Variants in HSPA2 observed in about 807,000 individuals in gnomAD.
HSPA2 encodes heat shock-related 70 kDa protein 2.
A neutral mutation model predicts 35.0 loss-of-function variants in HSPA2; 13 were observed. The ratio of observed to expected loss-of-function variants is 0.37; its 90% CI spans 0.24 to 0.59. The LOEUF is 0.59. Among genes scored for constraint, HSPA2 ranks in the 20% least tolerant of loss-of-function variants. The pLI is 0.70. For synonymous variants in HSPA2, 368 were observed against 382.1 expected (o/e 0.96, Z 0.43); for missense variants, 565 against 885.4 (o/e 0.64, Z 4.59).
chr14:64,537,879 A>T (rs1049656407), upstream of HSPA2, among the ~76,000 whole-genome samples: 3 of 151,252 alleles, frequency 2.0e-5, no homozygotes, highest in Non-Finnish European at 4.4e-5. Flanking sequence ...GGCGCCCACC[A>T]CCAGGCCCGG....
At chr14:64,539,896 G>A (rs1489374424), upstream of HSPA2, among the ~76,000 whole-genome samples, 1 of 152,110 alleles carries the variant, frequency 6.6e-6, no homozygotes, top group Non-Finnish European at 1.5e-5. Flanking sequence ...TGGCCAGGAT[G>A]GTCTCGATGT....
rs776299096 is a variant in HSPA2, at chr14:64,542,479, G to T, written c.1630G>T (p.Ala544Ser). Residue 544 changes from alanine (A) to serine (S), a missense_variant, in exon 1 of 1, where the codon GCC becomes TCC. Transcript: ENST00000247207. This position sits in a 1 kb window ranked among gnomAD's most constrained non-coding sequence, Gnocchi z 5.7. ...ANRDRVAAKNALESYTYNIKQ... is the reference protein window; with the variant it reads ...ANRDRVAAKNSLESYTYNIKQ... ...TCGCGACCGAGTCGCGGCCAAAAAC[G>T]CCCTGGAGTCCTATACCTACAACAT... 2.5e-6 allele frequency: 4 copies of T among 1,613,488 alleles called. No homozygotes were observed. Among genetic ancestry groups the T allele is most frequent in the African/African-American group, 1.3e-5 (1 of 74,864 alleles).
upstream of HSPA2, chr14:64,540,246 T>C: frequency 6.3e-6 from 1 of 158,242 alleles, no homozygotes; most frequent in South Asian, 1.8e-4. Flanking sequence ...GCTCAGTGAG[T>C]CGGCACCCTA....
chr14:64,537,938 G>A (rs1663406344), upstream of HSPA2, among the ~76,000 whole-genome samples: 1 of 151,958 alleles, frequency 6.6e-6, no homozygotes, highest in South Asian at 2.1e-4. Flanking sequence ...TCTTGGCCAG[G>A]CTGGTCTTGA....
Position 64,542,029 on chromosome 14 carries a change from C to T in HSPA2, c.1180C>T (p.Leu394=), listed in dbSNP as rs754850371. Residue 394 remains leucine, a synonymous_variant, in exon 1 of 1, where the codon CTG becomes TTG. Coordinates refer to ENST00000247207, the MANE Select transcript of HSPA2 (RefSeq NM_021979.4). The surrounding 1 kb of genome is among the most constrained non-coding windows in gnomAD (Gnocchi z 5.7). ...CGACAAATCAGAGAATGTGCAGGAC[C>T]TGCTGCTACTCGACGTGACCCCGTT... is the stretch of plus-strand genomic sequence containing the variant. ...IGDKSENVQD[L]LLLDVTPLSL... is the part of the protein sequence containing the mutation. 6.2e-7 allele frequency: 1 copy of T among 1,613,100 alleles called. No homozygotes were observed. The highest frequency in any genetic ancestry group is 8.5e-7 in the Non-Finnish European group (1 of 1,179,932).
Position 64,542,474 on chromosome 14 carries a change from A to G in HSPA2, c.1625A>G (p.Lys542Arg), listed in dbSNP as rs1205992106. ...DEANRDRVAA[K>R]NALESYTYNI... ...GCGAATCGCGACCGAGTCGCGGCCA[A>G]AAACGCCCTGGAGTCCTATACCTAC... The change falls in exon 1 of 1, where the codon AAA becomes AGA. Residue 542 changes from lysine to arginine, a missense_variant. Physicochemically the swap from Lys to Arg is conservative, Grantham distance 26 (BLOSUM62 2). Transcript: ENST00000247207. The surrounding 1 kb of genome is among the most constrained non-coding windows in gnomAD (Gnocchi z 5.7). The G allele has an allele frequency of 1.2e-6, 2 of 1,613,690 alleles. No individual in the cohort carries two copies. The highest frequency in any genetic ancestry group is 1.7e-5 in the Admixed American group (1 of 59,978).
At chr14:64,536,243 T>C (rs2079980099), upstream of HSPA2, among the ~76,000 whole-genome samples, 1 of 152,180 alleles carries the variant, frequency 6.6e-6, no homozygotes, top group Non-Finnish European at 1.5e-5. Flanking sequence ...CCAAGAACAT[T>C]TTTCCGTGTC....
At position 64,541,768 on chromosome 14, in the gene HSPA2, G is replaced by A. The variant is rs867759126; in HGVS notation, c.919G>A (p.Glu307Lys). 6.2e-7 allele frequency: 1 copy of A among 1,613,098 alleles called. No individual in the cohort carries two copies. Among genetic ancestry groups the A allele is most frequent in the Non-Finnish European group, 8.5e-7 (1 of 1,179,936 alleles). Residue 307 changes from glutamate (E) to lysine (K), a missense_variant, in exon 1 of 1, where the codon GAG (glutamate) becomes AAG (lysine). By Grantham distance (56) the Glu-to-Lys change is moderately conservative (BLOSUM62 1). Transcript: ENST00000247207. Reference protein sequence around the residue: ...YTSITRARFEELNADLFRGTL... With the variant: ...YTSITRARFEKLNADLFRGTL... Reference sequence around the variant, plus strand: ...GTCCATCACGCGCGCCCGCTTCGAGGAGCTCAATGCCGACCTCTTTCGCGG... The same window carrying A: ...GTCCATCACGCGCGCCCGCTTCGAGAAGCTCAATGCCGACCTCTTTCGCGG...
chr14:64,540,822 T>C lies in HSPA2; in HGVS notation c.-28T>C, dbSNP rs780794637. On this transcript the variant is annotated 5_prime_UTR_variant, in exon 1 of 1. Transcript: ENST00000247207. ...GGAGTTCATCTCCCTGGTTTTCCCG[T>C]CCTAACGTCGCTCGCCTTTCAGTCA... 107 of 1,611,594 alleles carry C rather than the reference T, an allele frequency of 6.6e-5. No individual in the cohort carries two copies. The highest frequency in any genetic ancestry group is 1.4e-5 in the Non-Finnish European group (16 of 1,178,448).
upstream of HSPA2, chr14:64,540,561 CG>C: frequency 2.1e-6 from 1 of 469,428 alleles, no homozygotes; most frequent in Non-Finnish European, 3.8e-6. Flanking sequence ...TGTCTCCTGG[CG>C]GGGGCCGGAG....
upstream of HSPA2, among the ~76,000 whole-genome samples, chr14:64,539,826 C>T (rs562367618): frequency 6.6e-6 from 1 of 152,192 alleles, no homozygotes; most frequent in Admixed American, 6.5e-5. Flanking sequence ...AGACTACAGG[C>T]ACGCGCCACC....
upstream of HSPA2, among the ~76,000 whole-genome samples, chr14:64,536,587 T>C (rs1284303572): frequency 6.6e-6 from 1 of 151,998 alleles, no homozygotes. Flanking sequence ...ATGGCAAAAC[T>C]CCATCTCTAC....
At chr14:64,537,954 T>C (rs534830290), upstream of HSPA2, among the ~76,000 whole-genome samples, 92 of 152,196 alleles carry the variant, frequency 6.0e-4, 1 homozygote, top group African/African-American at 2.1e-3. Context: ...CTTGAACTTC[T>C]GACCTCGTGA....
rs1284985208 is a variant in HSPA2, at chr14:64,542,853, C to A, written c.*84C>A. Reference sequence around the variant, plus strand: ...TTGTTTCTTTGAAATGTCCTTGTGCCAAGTACGAGATCTATTGTTGGAAGT... The same window carrying A: ...TTGTTTCTTTGAAATGTCCTTGTGCAAAGTACGAGATCTATTGTTGGAAGT... On this transcript the variant is annotated 3_prime_UTR_variant, in exon 1 of 1. Transcript: ENST00000247207. This position sits in a 1 kb window ranked among gnomAD's most constrained non-coding sequence, Gnocchi z 5.7. The A allele has an allele frequency of 5.4e-6, 8 of 1,475,444 alleles. No homozygotes were observed. Among genetic ancestry groups the A allele is most frequent in the Non-Finnish European group, 7.2e-6 (8 of 1,112,394 alleles). The allele number at this position is 1,475,444 out of a possible 1,614,324, so 91.4% of individuals were successfully genotyped here.
Position 64,540,773 on chromosome 14 carries a change from G to C in HSPA2, c.-77G>C. On this transcript the variant is annotated 5_prime_UTR_variant, in exon 1 of 1. Transcript: ENST00000247207. The stretch of plus-strand genomic sequence containing the variant: ...TGGTAGTGCCCGTGGTGCTTGGTTC[G>C]AGGTGGCCGTTAGTTGACTCCGCGG... The C allele has an allele frequency of 2.5e-6, 4 of 1,570,736 alleles. No individual in the cohort carries two copies. The highest frequency in any genetic ancestry group is 1.3e-5 in the African/African-American group (1 of 74,092).
upstream of HSPA2, chr14:64,540,734 G>A (rs1398353325): frequency 2.7e-6 from 4 of 1,468,344 alleles, no homozygotes; most frequent in Non-Finnish European, 3.6e-6. Flanking sequence ...ACTGGGCGCG[G>A]GGAGCTGAGT....
Position 64,542,692 on chromosome 14 carries a change from C to G in HSPA2, c.1843C>G (p.Gln615Glu). The G allele has an allele frequency of 6.2e-7, 1 of 1,614,004 alleles. No individual in the cohort carries two copies. The highest frequency in any genetic ancestry group is 8.5e-7 in the Non-Finnish European group (1 of 1,180,026). Residue 615 changes from glutamine (Q) to glutamate (E), a missense_variant, in exon 1 of 1, where the codon CAA becomes GAA. Physicochemically the swap from Gln to Glu is conservative, Grantham distance 29 (BLOSUM62 2). Around this residue, in one of 4 missense-constraint regions of HSPA2, gnomAD observed 147 missense variants for 166.7 expected, o/e 0.88. Coordinates refer to ENST00000247207, the MANE Select transcript of HSPA2 (RefSeq NM_021979.4). This position sits in a 1 kb window ranked among gnomAD's most constrained non-coding sequence, Gnocchi z 5.7. Reference protein sequence around the residue: ...VCNPIISKLYQGGPGGGSGGG... With the variant: ...VCNPIISKLYEGGPGGGSGGG... The stretch of plus-strand genomic sequence containing the variant: ...CAACCCCATCATCAGCAAACTTTAC[C>G]AAGGTGGTCCTGGCGGCGGCAGCGG...
upstream of HSPA2, among the ~76,000 whole-genome samples, chr14:64,536,549 T>G (rs1049859860): frequency 3.3e-5 from 5 of 152,150 alleles, no homozygotes; most frequent in African/African-American, 1.2e-4. Context: ...GAGCTTGAGC[T>G]AAGGAGTTCG....
Position 64,540,858 on chromosome 14 carries a change from C to G in HSPA2, c.9C>G (p.Ala3=), listed in dbSNP as rs1363901735. The G allele has an allele frequency of 6.2e-7, 1 of 1,614,050 alleles. No homozygotes were observed. ...CTCGCCTTTCAGTCAGGATGTCTGCCCGTGGCCCGGCTATCGGCATCGACC... is the reference window on the plus strand; with the variant it reads ...CTCGCCTTTCAGTCAGGATGTCTGCGCGTGGCCCGGCTATCGGCATCGACC... MS[A]RGPAIGIDLG... Residue 3 remains alanine (A), a synonymous_variant, in exon 1 of 1, where the codon GCC becomes GCG. Transcript: ENST00000247207.
Sources: allele counts gnomAD v4.1 joint callset (sites outside exome capture counted in the v4.1 genomes callset), GRCh38; gene constraint gnomAD v4.1.1; regional missense constraint gnomAD v4.1.1; non-coding constraint Gnocchi (gnomAD v3.1); transcripts MANE v1.5; gene names NCBI Gene and HGNC (gene_info 2026-07-23, HGNC 2026-07-21).